The following PALMD variants were observed in gnomAD, a reference collection of about 807,000 sequenced individuals.
The protein encoded by PALMD is palmdelphin.
Under a neutral mutation model 56.2 loss-of-function variants are expected in PALMD, and 42 were observed. The observed-to-expected ratio is 0.75, with a 90% CI of 0.58 to 0.97. The LOEUF (loss-of-function observed/expected upper bound fraction) is 0.97. Ranked by LOEUF, PALMD falls within the 50% of genes least tolerant of loss-of-function variation. The pLI is 0.00. For synonymous variants in PALMD, 242 were observed against 222.9 expected (o/e 1.09, Z -0.76); for missense variants, 660 against 643.8 (o/e 1.03, Z -0.27).
At position 99,694,201 on chromosome 1, in the gene PALMD, AAGT is replaced by A. The variant is rs907212686; in HGVS notation, c.*146_*148del. ...GTGTACCATATTAAGCCATGTGAATAAGTAGTAGTCATTATTTGTGAAAAATTC... is the reference window on the plus strand; with the variant it reads ...GTGTACCATATTAAGCCATGTGAATAAGTAGTCATTATTTGTGAAAAATTC... On this transcript the variant is annotated 3_prime_UTR_variant, in exon 8 of 8. Transcript: ENST00000263174. 1.8e-6 allele frequency: 1 copy of A among 545,412 alleles called. No individual in the cohort carries two copies. Among genetic ancestry groups the A allele is most frequent in the Non-Finnish European group, 3.3e-6 (1 of 306,876 alleles). 33.8% of individuals were successfully genotyped at this position (545,412 alleles called of 1,614,324 possible).
At position 99,689,564 on chromosome 1, in the gene PALMD, G is replaced by T; in HGVS notation, c.1304G>T (p.Gly435Val). The part of the protein sequence containing the change: ...DSEEDKKFLT[G>V]YDGIIHAELV... ...GAAGAAGATAAGAAGTTTCTGACAG[G>T]ATATGATGGGATCATCCATGCTGAG... The change falls in exon 7 of 8, where the codon GGA (glycine) becomes GTA (valine). Residue 435 changes from glycine (G) to valine (V), a missense_variant. Transcript: ENST00000263174. The T allele has an allele frequency of 1.9e-6, 3 of 1,613,722 alleles. No individual in the cohort carries two copies. Among genetic ancestry groups the T allele is most frequent in the Non-Finnish European group, 1.7e-6 (2 of 1,179,820 alleles).
intron 7 of PALMD, among the ~76,000 whole-genome samples, chr1:99,692,810 C>G (rs1351703039): frequency 6.6e-6 from 1 of 152,174 alleles, no homozygotes; most frequent in African/African-American, 2.4e-5. Context: ...TTCTGTTCAC[C>G]TTCTGCTATG....
chr1:99,684,218 C>G (rs1653436072), intron 3 of PALMD: 1 of 151,954 alleles, frequency 6.6e-6, no homozygotes, highest in Non-Finnish European at 1.5e-5. Flanking sequence ...TGATTTTGTA[C>G]AGACACAAGC....
In PALMD at chr1:99,686,775, A is replaced by G. The variant is rs547194372; in HGVS notation, c.351A>G (p.Thr117=). The G allele has an allele frequency of 3.6e-5, 57 of 1,577,650 alleles. No individual in the cohort carries two copies. The highest frequency in any genetic ancestry group is 1.7e-4 in the Middle Eastern group (1 of 6,004). Reference sequence around the variant, plus strand: ...AACTAAAGTCAATTGAGCGGACAACAGAAGACATTATAAGAGTGAGCATTA... The same window carrying G: ...AACTAAAGTCAATTGAGCGGACAACGGAAGACATTATAAGAGTGAGCATTA... ...LKKLKSIERT[T]EDIIRSVKVE... Residue 117 remains threonine (T), a synonymous_variant, in exon 4 of 8, where the codon ACA becomes ACG. Transcript: ENST00000263174.
chr1:99,657,089 G>A (rs1014465558), intron 1 of PALMD, among the ~76,000 whole-genome samples: 1 of 152,100 alleles, frequency 6.6e-6, no homozygotes, highest in Admixed American at 6.6e-5. Flanking sequence ...CTTCATGGAG[G>A]CTCTCCTTAG....
chr1:99,654,128 C>T (rs1444674195), intron 1 of PALMD, among the ~76,000 whole-genome samples: 4 of 151,974 alleles, frequency 2.6e-5, no homozygotes, highest in Non-Finnish European at 1.5e-5. Context: ...AACACAAGTT[C>T]CACCACTCGA....
chr1:99,678,519 C>T (rs1489943733), intron 3 of PALMD, among the ~76,000 whole-genome samples: 1 of 152,066 alleles, frequency 6.6e-6, no homozygotes, highest in Non-Finnish European at 1.5e-5. Flanking sequence ...TACTATTATT[C>T]CCTAAATGAG....
Position 99,689,132 on chromosome 1 carries a change from C to T in PALMD, c.872C>T (p.Thr291Ile), listed in dbSNP as rs1393390396. The T allele has an allele frequency of 6.2e-7, 1 of 1,613,404 alleles. No individual in the cohort carries two copies. Among genetic ancestry groups the T allele is most frequent in the Non-Finnish European group, 8.5e-7 (1 of 1,179,796 alleles). The change falls in exon 7 of 8, where the codon ACT becomes ATT. Residue 291 changes from threonine to isoleucine, a missense_variant. Coordinates refer to ENST00000263174, the MANE Select transcript of PALMD (RefSeq NM_017734.5). ...TTTCAAGAAAGGATAAAGATTAAAA[C>T]TAATGGACTGGGTATTGGTGTAAAT... Reference protein sequence around the residue: ...PNFQERIKIKTNGLGIGVNES... With the variant: ...PNFQERIKIKINGLGIGVNES...
At chr1:99,685,268 A>G (rs1890410) in intron 3 of PALMD, 12,367 of 152,236 alleles carry the variant, frequency 0.081, 1,093 homozygotes, top group African/African-American at 0.22. Context: ...TTCACAAGAA[A>G]TGAGTAGCAG....
At chr1:99,676,299 C>CT (rs1177233542) in intron 3 of PALMD, among the ~76,000 whole-genome samples, 3 of 151,858 alleles carry the variant, frequency 2.0e-5, no homozygotes, top group Non-Finnish European at 4.4e-5. Flanking sequence ...CTTCTTCTTC[C>CT]TTTTTTTTAA....
At chr1:99,687,274 A>G in intron 6 of PALMD, 85 bp downstream of exon 6, 1 of 1,424,878 alleles carries the variant, frequency 7.0e-7, no homozygotes, top group Admixed American at 2.6e-5. Flanking sequence ...ATGACATATT[A>G]TTCTTCCAGG....
intron 1 of PALMD, among the ~76,000 whole-genome samples, chr1:99,648,328 C>T (rs1652488083): frequency 6.6e-6 from 1 of 152,108 alleles, no homozygotes; most frequent in Non-Finnish European, 1.5e-5. Context: ...ACAACACATC[C>T]ACTCTCCTCC....
At chr1:99,668,596 AAGGTTCTAT>A (rs1208627328) in intron 3 of PALMD, 2 of 152,304 alleles carry the variant, frequency 1.3e-5, no homozygotes, top group East Asian at 3.9e-4. Context: ...TATTGGAAAG[AAGGTTCTAT>A]AGGAATACTC....
In PALMD at chr1:99,650,062, A is replaced by G. The variant is rs147591051; in HGVS notation, c.45+3700A>G. Among the ~76,000 whole-genome samples, 680 of 152,218 alleles carry G rather than the reference A, an allele frequency of 4.5e-3. 5 individuals are homozygous for G. The highest frequency in any genetic ancestry group is 0.015 in the African/African-American group (630 of 41,540). On this transcript the variant is annotated intron_variant, in intron 1 of 7. Transcript: ENST00000263174. ...ATGTGAGGAGTGGGGATGGGAGTGC[A>G]TTGTAAGTTAAAATAGAGTGGTCAG...
intron 3 of PALMD, chr1:99,685,522 G>A (rs1404893446): frequency 6.6e-6 from 1 of 152,208 alleles, no homozygotes; most frequent in African/African-American, 2.4e-5. Context: ...TCTACCAATG[G>A]CCAGAGGCAG....
chr1:99,686,869 T>C lies in PALMD; in HGVS notation c.367-61T>C, dbSNP rs1653510699. The C allele has an allele frequency of 2.2e-6, 3 of 1,383,768 alleles. No individual in the cohort carries two copies. In the Admixed American group the frequency reaches 5.8e-5, roughly 27 times the overall value. 85.7% of individuals were successfully genotyped at this position (1,383,768 alleles called of 1,614,324 possible). On this transcript the variant is annotated intron_variant, in intron 4 of 7. Coordinates refer to ENST00000263174, the MANE Select transcript of PALMD (RefSeq NM_017734.5). ...ATACTATATAATTTTTCAAAGCATATCCACATTTAGATTCTATTTTTTAAA... is the reference window on the plus strand; with the variant it reads ...ATACTATATAATTTTTCAAAGCATACCCACATTTAGATTCTATTTTTTAAA...
Position 99,667,893 on chromosome 1 carries a change from T to C in PALMD, c.251+127T>C, listed in dbSNP as rs950507775. 3 of 928,064 alleles carry C rather than the reference T, an allele frequency of 3.2e-6. No homozygotes were observed. In the East Asian group the frequency reaches 7.7e-5, roughly 24 times the overall value. 57.5% of individuals were successfully genotyped at this position (928,064 alleles called of 1,614,324 possible). A position where few individuals can be genotyped will look rare whatever the true frequency, so the allele number is the denominator to read the frequency against. On this transcript the variant is annotated intron_variant, in intron 3 of 7. Transcript: ENST00000263174. ...TTCCATTTGAATTTCTTTTTTTTTT[T>C]TTTAAGGCACGCTTTCACACTGTCA...
At chr1:99,665,596 A>G (rs1652944204) in intron 2 of PALMD, among the ~76,000 whole-genome samples, 1 of 152,146 alleles carries the variant, frequency 6.6e-6, no homozygotes, top group Non-Finnish European at 1.5e-5. Flanking sequence ...ACCTAATCAC[A>G]TCACAAGAAT....
intron 3 of PALMD, among the ~76,000 whole-genome samples, chr1:99,671,605 G>T (rs1197564525): frequency 1.3e-5 from 2 of 152,126 alleles, no homozygotes; most frequent in African/African-American, 4.8e-5. Flanking sequence ...TACAAAGAGT[G>T]TTTTTCTTGG....
Sources: allele counts gnomAD v4.1 joint callset (sites outside exome capture counted in the v4.1 genomes callset), GRCh38; gene constraint gnomAD v4.1.1; transcripts MANE v1.5; gene names NCBI Gene and HGNC (gene_info 2026-07-23, HGNC 2026-07-21).